APOBEC3B: variants seen among roughly 807,000 people sequenced by gnomAD.
APOBEC3B encodes the protein DNA dC->dU-editing enzyme APOBEC-3B.
APOBEC3B carries 29 observed loss-of-function variants against 53.4 expected under a neutral mutation model. The observed-to-expected ratio is 0.54, with a 90% confidence interval of 0.40 to 0.74. The LOEUF is 0.74. APOBEC3B is among the 30% of genes least tolerant of loss of function. The pLI, the probability that APOBEC3B is intolerant of heterozygous loss-of-function variation, is 0.00. For synonymous variants in APOBEC3B, 132 were observed against 184.8 expected (o/e 0.71, Z 2.32); for missense variants, 347 against 496.2 (o/e 0.70, Z 2.86).
intron 4 of APOBEC3B, 72 bp from the exon 5 acceptor site, chr22:38,989,385 T>G (rs1603268554): frequency 1.0e-5 from 14 of 1,388,240 alleles, no homozygotes; most frequent in Non-Finnish European, 1.3e-5. Context: ...GAGTGGGGGG[T>G]GCAGGAGAGG....
At chr22:38,988,924 A>C (rs947576984) in intron 4 of APOBEC3B, among the ~76,000 whole-genome samples, 1 of 145,636 alleles carries the variant, frequency 6.9e-6, no homozygotes, top group Non-Finnish European at 1.5e-5. Context: ...CGTTTGGGAG[A>C]CCTCATGGCA....
chr22:38,985,307 C>T (rs1468331915), intron 2 of APOBEC3B, among the ~76,000 whole-genome samples: 1 of 148,336 alleles, frequency 6.7e-6, no homozygotes, highest in Non-Finnish European at 1.5e-5. Context: ...CTCTCAACTT[C>T]CACCTGCCAG....
At chr22:38,988,694 T>TCTCC (rs1491185357) in intron 4 of APOBEC3B, among the ~76,000 whole-genome samples, 1 of 111,860 alleles carries the variant, frequency 8.9e-6, no homozygotes, top group African/African-American at 3.7e-5. Flanking sequence ...TCTTTCTTTC[T>TCTCC]TTCTTTCTTT....
chr22:38,983,283 A>C (rs1923604803), intron 1 of APOBEC3B, among the ~76,000 whole-genome samples: 2 of 147,460 alleles, frequency 1.4e-5, no homozygotes, highest in Admixed American at 1.4e-4. Flanking sequence ...ATGCCACTGC[A>C]CTCCAGCCTG....
intron 4 of APOBEC3B, among the ~76,000 whole-genome samples, chr22:38,987,320 A>T (rs1438373128): frequency 7.4e-6 from 1 of 135,064 alleles, no homozygotes. Flanking sequence ...TGCCACCCCC[A>T]CTCCCAGCCA....
chr22:38,989,333 G>T, intron 4 of APOBEC3B, 124 bp from the exon 5 acceptor site: 2 of 886,172 alleles, frequency 2.3e-6, no homozygotes, highest in Non-Finnish European at 3.3e-6. Context: ...GAGTGGAAGC[G>T]CCTCCTCTGA....
chr22:38,989,638 G>A (rs1348370159), intron 5 of APOBEC3B, 28 bp downstream of exon 5: 2 of 1,543,424 alleles, frequency 1.3e-6, no homozygotes, highest in South Asian at 1.2e-5. Context: ...CTGCATCCAG[G>A]CAGGGCCCTC....
At chr22:38,983,546 C>T (rs2146287259) in intron 1 of APOBEC3B, among the ~76,000 whole-genome samples, 1 of 148,756 alleles carries the variant, frequency 6.7e-6, no homozygotes, top group African/African-American at 2.4e-5. Flanking sequence ...TACCCCGCCT[C>T]TCTGTGCCTC....
At position 38,984,054 on chromosome 22, in the gene APOBEC3B, G is replaced by A; in HGVS notation, c.18-21G>A. The A allele has an allele frequency of 2.5e-6, 4 of 1,570,978 alleles. 1 individual carries two copies. In the South Asian group the frequency reaches 3.5e-5, roughly 14 times the overall value. Reference sequence around the variant, plus strand: ...CCGGGAGGGCTCCCTGCATGGGCCGGTTTCTCTCTTGTGCCTTCAGAAATC... The same window carrying A: ...CCGGGAGGGCTCCCTGCATGGGCCGATTTCTCTCTTGTGCCTTCAGAAATC... On this transcript the variant is annotated intron_variant, in intron 1 of 7. Coordinates refer to ENST00000333467, the MANE Select transcript of APOBEC3B (RefSeq NM_004900.5).
In APOBEC3B at chr22:38,986,032, G is replaced by A. The variant is rs766117548; in HGVS notation, c.395G>A (p.Arg132Gln). 6 of 1,593,096 alleles carry A rather than the reference G, an allele frequency of 3.8e-6. 1 individual carries two copies. The highest frequency in any genetic ancestry group is 1.3e-5 in the African/African-American group (1 of 74,108). The change falls in exon 3 of 8, where the codon CGA (arginine) becomes CAA (glutamine). Residue 132 changes from arginine (R) to glutamine (Q), a missense_variant. By Grantham distance (43) the Arg-to-Gln change is conservative. Transcript: ENST00000333467. The part of the protein sequence containing the change: ...RLYYYWERDY[R>Q]RALCRLSQAG... ...TACTACTACTGGGAAAGAGATTACC[G>A]AAGGGCGCTCTGCAGGCTGAGTCAG...
chr22:38,986,323 T>C lies in APOBEC3B; in HGVS notation c.480T>C (p.Phe160=). 2 of 1,593,702 alleles carry C rather than the reference T, an allele frequency of 1.3e-6. No individual in the cohort carries two copies. Among genetic ancestry groups the C allele is most frequent in the Non-Finnish European group, 1.7e-6 (2 of 1,172,600 alleles). The change falls in exon 4 of 8, where the codon TTT becomes TTC. Residue 160 remains phenylalanine, a synonymous_variant. Transcript: ENST00000333467. ...YEEFAYCWEN[F]VYNEGQQFMP... ...AATTTGCATACTGCTGGGAAAACTT[T>C]GTGTACAATGAAGGTCAGCAATTCA...
chr22:38,984,152 A>G lies in APOBEC3B; in HGVS notation c.95A>G (p.Tyr32Cys), dbSNP rs372003442. 23 of 1,592,468 alleles carry G rather than the reference A, an allele frequency of 1.4e-5. No homozygotes were observed. The African/African-American group carries it at 2.7e-4, about 19-fold the overall frequency. Residue 32 changes from tyrosine to cysteine, a missense_variant, in exon 2 of 8, where the codon TAC becomes TGC. By Grantham distance (194) the Tyr-to-Cys change is radical (BLOSUM62 -2). Around this residue, in one of 5 missense-constraint regions of APOBEC3B, gnomAD observed 73 missense variants for 90.9 expected, o/e 0.80. Transcript: ENST00000333467. ...GAACCCATCCTCTATGGTCGGAGCT[A>G]CACTTGGCTGTGCTATGAAGTGAAA... ...ENEPILYGRS[Y>C]TWLCYEVKIK...
At chr22:38,986,197 TG>T in intron 3 of APOBEC3B, 100 bp from the exon 4 acceptor site, 1 of 1,579,034 alleles carries the variant, frequency 6.3e-7, no homozygotes, top group Non-Finnish European at 8.6e-7. Context: ...CCTGCAGGGG[TG>T]GGACTGGCAC....
rs190500594 is a variant in APOBEC3B, at chr22:38,987,625, G to C, written c.569+1213G>C. Among the ~76,000 whole-genome samples the C allele has an allele frequency of 2.2e-4, 33 of 148,474 alleles. 3 individuals carry two copies. The highest frequency in any genetic ancestry group is 1.7e-3 in the Admixed American group (25 of 14,468). On this transcript the variant is annotated intron_variant, in intron 4 of 7. Coordinates refer to ENST00000333467, the MANE Select transcript of APOBEC3B (RefSeq NM_004900.5). ...AACACAAAGTCTTAGGAGAGGGTGT[G>C]GGGGAGGAAATGGTCTCTGTACCAG... is the stretch of plus-strand genomic sequence containing the variant.
chr22:38,984,476 CAT>C (rs945415204), intron 2 of APOBEC3B, among the ~76,000 whole-genome samples: 2 of 148,914 alleles, frequency 1.3e-5, no homozygotes, highest in Non-Finnish European at 3.0e-5. Context: ...GATGACTTAG[CAT>C]AACTTGGGGC....
At chr22:38,991,930 G>C in intron 6 of APOBEC3B, 104 bp from the exon 7 acceptor site, 2 of 1,432,010 alleles carry the variant, frequency 1.4e-6, no homozygotes, top group Non-Finnish European at 1.8e-6. Flanking sequence ...GGAAAGGAGG[G>C]ACTGAAACCA....
At chr22:38,990,206 T>C (rs1360479061) in intron 5 of APOBEC3B, among the ~76,000 whole-genome samples, 4 of 148,338 alleles carry the variant, frequency 2.7e-5, no homozygotes, top group African/African-American at 7.3e-5. Context: ...CAAGTTCTGC[T>C]TGGCTCTGTT....
At position 38,986,303 on chromosome 22, in the gene APOBEC3B, G is replaced by A; in HGVS notation, c.460G>A (p.Ala154Thr). 9 of 1,593,174 alleles carry A rather than the reference G, an allele frequency of 5.6e-6. No homozygotes were observed. Among genetic ancestry groups the A allele is most frequent in the Non-Finnish European group, 6.8e-6 (8 of 1,172,220 alleles). ...TTCCCGCTTCTTCATCTCAGAATTTGCATACTGCTGGGAAAACTTTGTGTA... is the reference window on the plus strand; with the variant it reads ...TTCCCGCTTCTTCATCTCAGAATTTACATACTGCTGGGAAAACTTTGTGTA... ...RVTIMDYEEF[A>T]YCWENFVYNE... Residue 154 changes from alanine to threonine, a missense_variant, in exon 4 of 8, where the codon GCA (alanine) becomes ACA (threonine). Ala to Thr is a moderately conservative substitution (Grantham distance 58). This residue lies in a region of APOBEC3B where 156 missense variants were observed against 166.7 expected (regional missense o/e 0.94). Coordinates refer to ENST00000333467, the MANE Select transcript of APOBEC3B (RefSeq NM_004900.5).
chr22:38,983,146 G>C lies in APOBEC3B; in HGVS notation c.17+676G>C, dbSNP rs750716580. Among the ~76,000 whole-genome samples, 2 of 147,776 alleles carry C rather than the reference G, an allele frequency of 1.4e-5. 1 individual carries two copies. The highest frequency in any genetic ancestry group is 1.4e-4 in the Admixed American group (2 of 14,328). On this transcript the variant is annotated intron_variant, in intron 1 of 7. Transcript: ENST00000333467. ...AACCTGGCCCATATGGTGAAACCCC[G>C]TCTCTACTAAAAAACATACAAAAAT...
Sources: gnomAD v4.1 joint callset for allele counts (sites outside exome capture counted in the v4.1 genomes callset) on GRCh38, gnomAD v4.1.1 for gene constraint, gnomAD v4.1.1 regional missense constraint, MANE v1.5 for transcripts, NCBI Gene and HGNC (gene_info 2026-07-23, HGNC 2026-07-21) for gene names.